ADAMTSL1: variants seen among roughly 807,000 people sequenced by gnomAD.
ADAMTSL1 encodes ADAMTS like 1.
Under a neutral mutation model 201.8 loss-of-function variants are expected in ADAMTSL1, and 126 were observed. The ratio of observed to expected loss-of-function variants is 0.62; its 90% CI spans 0.54 to 0.72. The LOEUF (loss-of-function observed/expected upper bound fraction) is 0.72. ADAMTSL1 is among the 30% of genes least tolerant of loss of function. The probability of loss-of-function intolerance (pLI) is 0.00; values close to 1 mark genes in which losing one functional copy is unlikely to be tolerated. For missense variants in ADAMTSL1, 2,679 were observed against 2,277.8 expected (o/e 1.18, Z -3.59); for synonymous variants, 1,121 against 903.4 (o/e 1.24, Z -4.32).
At chr9:18,558,023 A>T (rs886180429) in intron 3 of ADAMTSL1, among the ~76,000 whole-genome samples, 2 of 152,052 alleles carry the variant, frequency 1.3e-5, no homozygotes, top group African/African-American at 4.8e-5. Flanking sequence ...TTTTTAAAAA[A>T]ATATACTTTA....
rs2026901 is a variant in ADAMTSL1 at position 18,054,706 on chromosome 9, G to C, written c.88-109156G>C. ...ATGGTCCTTCAGCTAATAAATGAAA[G>C]AGTTGGGGTTACATGTACTTCAATA... On this transcript the variant is annotated intron_variant, in intron 1 of 29. Transcript: ENST00000680146. 0.018 allele frequency among the ~76,000 whole-genome samples: 2,809 copies of C among 152,290 alleles called. 326 individuals carry two copies. The East Asian group carries it at 0.34, about 19-fold the overall frequency.
intron 2 of ADAMTSL1, among the ~76,000 whole-genome samples, chr9:18,176,211 A>T (rs550069918): frequency 6.6e-6 from 1 of 151,950 alleles, no homozygotes; most frequent in South Asian, 2.1e-4. Flanking sequence ...ATACATATAG[A>T]TCATTTGCCC....
At chr9:18,021,205 T>C (rs1036079010) in intron 1 of ADAMTSL1, among the ~76,000 whole-genome samples, 1 of 152,196 alleles carries the variant, frequency 6.6e-6, no homozygotes, top group Non-Finnish European at 1.5e-5. Context: ...GTCACAAGTT[T>C]CTGAAGTCTG....
chr9:18,807,824 A>G (rs910683478), intron 20 of ADAMTSL1, among the ~76,000 whole-genome samples: 1 of 152,146 alleles, frequency 6.6e-6, no homozygotes, highest in African/African-American at 2.4e-5. Flanking sequence ...ACACAAATGT[A>G]TAATTTATCA....
intron 2 of ADAMTSL1, among the ~76,000 whole-genome samples, chr9:18,200,956 A>C (rs10963510): frequency 0.15 from 23,374 of 151,924 alleles, 2,067 homozygotes; most frequent in East Asian, 0.24. Flanking sequence ...TCAAGACAAA[A>C]GAATATCTTT....
chr9:18,195,398 C>T (rs1332426364), intron 2 of ADAMTSL1, among the ~76,000 whole-genome samples: 1 of 152,056 alleles, frequency 6.6e-6, no homozygotes, highest in Non-Finnish European at 1.5e-5. Flanking sequence ...TTTTATCCTC[C>T]TAACATCCTA....
At chr9:18,539,487 G>A (rs748554774) in intron 3 of ADAMTSL1, among the ~76,000 whole-genome samples, 4 of 152,176 alleles carry the variant, frequency 2.6e-5, no homozygotes, top group Non-Finnish European at 5.9e-5. Context: ...ACCTGGAAAC[G>A]CAGAAAACTC....
At position 18,787,316 on chromosome 9, in the gene ADAMTSL1, C is replaced by T. The variant is rs554409225; in HGVS notation, c.3678-8081C>T. Reference sequence around the variant, plus strand: ...AAGTATTGAGTGTCAACACAGTGGTCGCAGAAATGACCATCATGAATCATG... The same window carrying T: ...AAGTATTGAGTGTCAACACAGTGGTTGCAGAAATGACCATCATGAATCATG... On this transcript the variant is annotated intron_variant, in intron 19 of 28. Coordinates refer to ENST00000380548, the MANE Select transcript of ADAMTSL1 (RefSeq NM_001040272.6). 1.0e-3 allele frequency among the ~76,000 whole-genome samples: 152 copies of T among 152,194 alleles called. 1 individual carries two copies. Among genetic ancestry groups the T allele is most frequent in the Admixed American group, 3.3e-3 (50 of 15,296 alleles).
intron 15 of ADAMTSL1, among the ~76,000 whole-genome samples, chr9:18,744,972 T>A (rs1049694032): frequency 6.6e-6 from 1 of 152,220 alleles, no homozygotes; most frequent in African/African-American, 2.4e-5. Flanking sequence ...GTACCTCATA[T>A]CAGGAGACAG....
intron 23 of ADAMTSL1, among the ~76,000 whole-genome samples, chr9:18,857,587 A>G (rs1432510431): frequency 2.6e-5 from 4 of 152,142 alleles, no homozygotes; most frequent in African/African-American, 9.7e-5. Context: ...CCTTTATACC[A>G]TGACTGCTGA....
chr9:18,311,788 C>T (rs1563878145), intron 2 of ADAMTSL1, among the ~76,000 whole-genome samples: 1 of 152,092 alleles, frequency 6.6e-6, no homozygotes, highest in Non-Finnish European at 1.5e-5. Flanking sequence ...GAAATGGGAA[C>T]ACATTTAAAA....
At chr9:18,307,472 A>G (rs1833953292) in intron 2 of ADAMTSL1, among the ~76,000 whole-genome samples, 1 of 152,176 alleles carries the variant, frequency 6.6e-6, no homozygotes, top group Non-Finnish European at 1.5e-5. Context: ...AGACACACAT[A>G]GTCTTAAAAT....
chr9:18,818,289 C>A (rs1823989541), intron 21 of ADAMTSL1, among the ~76,000 whole-genome samples: 1 of 136,940 alleles, frequency 7.3e-6, no homozygotes, highest in African/African-American at 2.8e-5. Flanking sequence ...CATACCCTGT[C>A]TGCAGAGTAG....
At chr9:18,040,653 T>A (rs142973874) in intron 1 of ADAMTSL1, among the ~76,000 whole-genome samples, 4 of 152,344 alleles carry the variant, frequency 2.6e-5, no homozygotes, top group African/African-American at 7.2e-5. Flanking sequence ...AAGTATTTGT[T>A]TAATCTATGC....
chr9:18,520,561 A>G (rs1307140285), intron 2 of ADAMTSL1, among the ~76,000 whole-genome samples: 2 of 152,206 alleles, frequency 1.3e-5, no homozygotes, highest in African/African-American at 4.8e-5. Flanking sequence ...TGATCAGTTT[A>G]AAATTGCTTT....
At chr9:18,633,638 C>CTTTTT (rs58807960) in intron 5 of ADAMTSL1, among the ~76,000 whole-genome samples, 11 of 123,802 alleles carry the variant, frequency 8.9e-5, no homozygotes, top group South Asian at 3.0e-4. Context: ...CTAATCTTAA[C>CTTTTT]TTTTTTTTTT....
intron 5 of ADAMTSL1, among the ~76,000 whole-genome samples, chr9:18,632,159 C>G (rs1010513580): frequency 1.2e-4 from 19 of 152,162 alleles, no homozygotes; most frequent in African/African-American, 4.6e-4. Flanking sequence ...CCTAAGAGAT[C>G]TTAAACACCA....
intron 2 of ADAMTSL1, among the ~76,000 whole-genome samples, chr9:18,312,595 C>A (rs768456147): frequency 3.4e-4 from 51 of 152,154 alleles, no homozygotes; most frequent in Non-Finnish European, 5.3e-4. Flanking sequence ...GACGTTCCCA[C>A]TGGGTATTTT....
chr9:17,938,559 C>A (rs903274563), intron 1 of ADAMTSL1, among the ~76,000 whole-genome samples: 2 of 152,124 alleles, frequency 1.3e-5, no homozygotes, highest in African/African-American at 4.8e-5. Context: ...CCACTAGCTG[C>A]AGGTGTTCCT....
Sources: allele counts gnomAD v4.1 joint callset (sites outside exome capture counted in the v4.1 genomes callset), GRCh38; gene constraint gnomAD v4.1.1; transcripts MANE v1.5; gene names NCBI Gene and HGNC (gene_info 2026-07-23, HGNC 2026-07-21).